RAD52: variants seen among roughly 807,000 people sequenced by gnomAD.
The protein encoded by RAD52 is RAD52 DNA repair protein.
A neutral mutation model predicts 55.5 loss-of-function variants in RAD52; 47 were observed. The ratio of observed to expected loss-of-function variants is 0.85; its 90% confidence interval spans 0.67 to 1.08. The LOEUF (loss-of-function observed/expected upper bound fraction) is 1.08, where lower values mean the gene tolerates loss of function less well. Ranked by LOEUF, RAD52 falls within the 50% of genes least tolerant of loss-of-function variation. The pLI, the probability that RAD52 is intolerant of heterozygous loss-of-function variation, is 0.00. For synonymous variants in RAD52, 184 were observed against 198.9 expected (o/e 0.92, Z 0.63); for missense variants, 468 against 522.8 (o/e 0.90, Z 1.02).
intron 1 of RAD52, among the ~76,000 whole-genome samples, chr12:978,612 G>T (rs1364548333): frequency 6.6e-6 from 1 of 152,072 alleles, no homozygotes; most frequent in East Asian, 1.9e-4. Context: ...ACCAGTCTGG[G>T]CAACACAGTG....
At chr12:967,170 G>A (rs1958781605) in intron 1 of RAD52, among the ~76,000 whole-genome samples, 1 of 151,942 alleles carries the variant, frequency 6.6e-6, no homozygotes, top group South Asian at 2.1e-4. Context: ...TTTAAGGTAG[G>A]GAGTTCCAGA....
At chr12:954,918 T>C (rs1958584320) in intron 1 of RAD52, among the ~76,000 whole-genome samples, 1 of 152,224 alleles carries the variant, frequency 6.6e-6, no homozygotes, top group African/African-American at 2.4e-5. Context: ...GGAAAGGGGA[T>C]TCTTTTCCCT....
chr12:924,702 G>C (rs201895487), intron 7 of RAD52, among the ~76,000 whole-genome samples: 2 of 152,174 alleles, frequency 1.3e-5, no homozygotes, highest in Admixed American at 1.3e-4. Flanking sequence ...CTCAGATCAC[G>C]TTATAGGTAT....
intron 1 of RAD52, among the ~76,000 whole-genome samples, chr12:957,466 C>CAAAAA (rs71055109): frequency 4.3e-4 from 19 of 44,028 alleles, no homozygotes; most frequent in African/African-American, 4.7e-4. Flanking sequence ...AACTTCGTCT[C>CAAAAA]AAAAAAAAAA....
rs140635479 is a variant in RAD52, at chr12:985,526, C to T, written c.-19+4283G>A. Among the ~76,000 whole-genome samples the T allele has an allele frequency of 1.8e-3, 281 of 152,032 alleles. 2 individuals carry two copies. The highest frequency in any genetic ancestry group is 6.6e-3 in the African/African-American group (273 of 41,356). On this transcript the variant is annotated intron_variant, in intron 1 of 11. Transcript: ENST00000430095. ...TAATCCAAAGCCATGAAGATTTATA[C>T]CTATATTTTCTTCTATGAGTATTTT...
intron 1 of RAD52, among the ~76,000 whole-genome samples, chr12:978,343 A>G (rs1279245514): frequency 6.6e-6 from 1 of 152,034 alleles, no homozygotes; most frequent in East Asian, 1.9e-4. Context: ...GTGAGCCACC[A>G]CGCCCGGCCG....
chr12:981,617 C>T (rs960275383), intron 1 of RAD52, among the ~76,000 whole-genome samples: 1 of 151,544 alleles, frequency 6.6e-6, no homozygotes, highest in Non-Finnish European at 1.5e-5. Flanking sequence ...TTTAGCCAGG[C>T]GTGGTGGTGC....
At chr12:945,587 C>T (rs1034028813) in intron 1 of RAD52, among the ~76,000 whole-genome samples, 59 of 151,266 alleles carry the variant, frequency 3.9e-4, no homozygotes, top group African/African-American at 1.4e-3. Flanking sequence ...GCATGCGCGA[C>T]CACACCCAGC....
At chr12:959,126 C>T (rs564226020) in intron 1 of RAD52, among the ~76,000 whole-genome samples, 4 of 152,170 alleles carry the variant, frequency 2.6e-5, no homozygotes, top group African/African-American at 7.2e-5. Context: ...TTTACTCAAC[C>T]GAGTGCTGAG....
intron 1 of RAD52, among the ~76,000 whole-genome samples, chr12:989,601 T>G (rs1959150309): frequency 2.0e-5 from 3 of 152,340 alleles, no homozygotes; most frequent in East Asian, 1.9e-4. Flanking sequence ...GTTAGGACAG[T>G]ATTTCCGTGT....
rs1453662797 is a variant in RAD52, at chr12:949,608, C to T, written c.-25G>A. ...GCTCTCCTCCCCCACTTACGCGCCT[C>T]GGGCAGCGCGCGGTGCACACAGGGA... On this transcript the variant is annotated 5_prime_UTR_variant, in exon 1 of 12. Coordinates refer to ENST00000358495, the MANE Select transcript of RAD52 (RefSeq NM_134424.4). The T allele has an allele frequency of 6.6e-6, 1 of 152,462 alleles. No individual in the cohort carries two copies. Among genetic ancestry groups the T allele is most frequent in the Non-Finnish European group, 1.5e-5 (1 of 68,264 alleles). 9.4% of individuals were successfully genotyped at this position (152,462 alleles called of 1,614,324 possible).
intron 1 of RAD52, among the ~76,000 whole-genome samples, chr12:987,368 ATTTT>A (rs34499273): frequency 6.6e-6 from 1 of 150,744 alleles, no homozygotes; most frequent in Non-Finnish European, 1.5e-5. Flanking sequence ...ACATGGTTGA[ATTTT>A]TTTTTTCTTT....
At chr12:978,542 C>T (rs1029023503) in intron 1 of RAD52, among the ~76,000 whole-genome samples, 7 of 152,048 alleles carry the variant, frequency 4.6e-5, no homozygotes, top group Non-Finnish European at 1.0e-4. Flanking sequence ...GGCTCAGGCC[C>T]GTAATCCTAG....
intron 1 of RAD52, among the ~76,000 whole-genome samples, chr12:961,366 T>TCCC (rs2154120696): frequency 6.7e-6 from 1 of 148,188 alleles, no homozygotes; most frequent in African/African-American, 2.5e-5. Flanking sequence ...GCCAGGAAGT[T>TCCC]ACTTGTTATG....
At chr12:959,095 G>C (rs1406933323) in intron 1 of RAD52, among the ~76,000 whole-genome samples, 1 of 152,110 alleles carries the variant, frequency 6.6e-6, no homozygotes, top group Non-Finnish European at 1.5e-5. Context: ...AAAAAAGTAA[G>C]AATAATGCTA....
chr12:943,721 T>TA lies in RAD52; in HGVS notation c.-19+5880dup, dbSNP rs777010702. ...CCCTGTGTTTCCCCATTCATTTTCTTAGAGTAGTCTGTGATTACATTTTGA... is the reference window on the plus strand; with the variant it reads ...CCCTGTGTTTCCCCATTCATTTTCTTAAGAGTAGTCTGTGATTACATTTTGA... On this transcript the variant is annotated intron_variant, in intron 1 of 11. Coordinates refer to ENST00000358495, the MANE Select transcript of RAD52 (RefSeq NM_134424.4). Among the ~76,000 whole-genome samples the TA allele has an allele frequency of 3.9e-5, 6 of 152,180 alleles. No homozygotes were observed. In the East Asian group the frequency reaches 5.8e-4, roughly 15 times the overall value.
intron 1 of RAD52, among the ~76,000 whole-genome samples, chr12:935,047 A>G (rs1455892573): frequency 6.6e-6 from 1 of 152,030 alleles, no homozygotes; most frequent in East Asian, 1.9e-4. Flanking sequence ...CTTGGGAGGC[A>G]GAGGTTGCAG....
At chr12:974,996 G>C (rs1958916869) in intron 1 of RAD52, 1 of 152,164 alleles carries the variant, frequency 6.6e-6, no homozygotes, top group Non-Finnish European at 1.5e-5. Context: ...AGATAGGTGA[G>C]TACAGTAACA....
intron 1 of RAD52, 27 bp from the exon 2 acceptor site, chr12:933,103 A>G (rs763089012): frequency 6.7e-7 from 1 of 1,498,426 alleles, no homozygotes; most frequent in East Asian, 2.3e-5. Context: ...CGGAAAAAAA[A>G]AACAACCCTC....
Sources: gnomAD v4.1 joint callset for allele counts (sites outside exome capture counted in the v4.1 genomes callset) on GRCh38, gnomAD v4.1.1 for gene constraint, MANE v1.5 for transcripts, NCBI Gene and HGNC (gene_info 2026-07-23, HGNC 2026-07-21) for gene names.